Variants in GMDS observed in about 807,000 individuals in gnomAD.
GMDS encodes GDP-mannose 4,6 dehydratase.
GMDS carries 20 observed loss-of-function variants against 49.9 expected under a neutral mutation model. The observed-to-expected ratio is 0.40, with a 90% CI of 0.28 to 0.58. The LOEUF is 0.58. GMDS is among the 20% of genes least tolerant of loss of function. GMDS has a pLI of 0.42. For synonymous variants in GMDS, 177 were observed against 178.6 expected, an observed-to-expected ratio of 0.99 and a Z score of 0.07; for missense variants, 362 against 481.4, an observed-to-expected ratio of 0.75 and a Z score of 2.32.
intron 6 of GMDS, among the ~76,000 whole-genome samples, chr6:1,957,790 ATTTT>A (rs1015022310): frequency 1.3e-5 from 2 of 152,128 alleles, no homozygotes; most frequent in African/African-American, 4.8e-5. Context: ...CTTTTAGAAC[ATTTT>A]TTATTACTTT....
At chr6:2,067,444 A>T (rs1321139809) in intron 4 of GMDS, among the ~76,000 whole-genome samples, 1 of 151,886 alleles carries the variant, frequency 6.6e-6, no homozygotes, top group Admixed American at 6.6e-5. Flanking sequence ...TAGAGACACA[A>T]AAAACCCTTC....
chr6:1,929,913 C>T (rs1407149723), intron 7 of GMDS, among the ~76,000 whole-genome samples, 190 bp downstream of exon 7: 1 of 152,222 alleles, frequency 6.6e-6, no homozygotes, highest in Non-Finnish European at 1.5e-5. Flanking sequence ...GTGTAAGCTA[C>T]CTGTACGTCT....
chr6:1,698,591 G>A (rs1302640717), intron 9 of GMDS, among the ~76,000 whole-genome samples: 1 of 152,180 alleles, frequency 6.6e-6, no homozygotes, highest in African/African-American at 2.4e-5. Context: ...GGTGAGCTGA[G>A]TCAGGACCGC....
chr6:1,893,738 C>T (rs1024172356), intron 7 of GMDS, among the ~76,000 whole-genome samples: 1 of 152,114 alleles, frequency 6.6e-6, no homozygotes, highest in African/African-American at 2.4e-5. Flanking sequence ...ACACTGGACT[C>T]GTGTGAAGGG....
At chr6:1,992,461 C>T (rs1159394979) in intron 4 of GMDS, among the ~76,000 whole-genome samples, 2 of 152,206 alleles carry the variant, frequency 1.3e-5, no homozygotes, top group African/African-American at 2.4e-5. Context: ...CCCACATCAG[C>T]GTCCAGGCTG....
At chr6:2,019,034 G>A (rs1268337370) in intron 4 of GMDS, among the ~76,000 whole-genome samples, 6 of 151,830 alleles carry the variant, frequency 4.0e-5, no homozygotes, top group Non-Finnish European at 8.8e-5. Context: ...CCCAGTAGAT[G>A]TGAAATGTCA....
rs2007297 is a variant in GMDS at position 1,640,773 on chromosome 6, T to C, written c.988-16233A>G. On this transcript the variant is annotated intron_variant, in intron 9 of 10. Coordinates refer to ENST00000380815, the MANE Select transcript of GMDS (RefSeq NM_001500.4). The surrounding 1 kb of genome is among the most constrained non-coding windows in gnomAD (Gnocchi z 4.0). Reference sequence around the variant, plus strand: ...AGTAAACAGGCAATCAAGGAAACAATCAGGTGGTTACAAGGCCTCTGATAA... The same window carrying C: ...AGTAAACAGGCAATCAAGGAAACAACCAGGTGGTTACAAGGCCTCTGATAA... 0.6 allele frequency among the ~76,000 whole-genome samples: 91,396 copies of C among 151,846 alleles called. 28,514 individuals carry two copies. The highest frequency in any genetic ancestry group is 0.8 in the East Asian group (4,126 of 5,160).
chr6:2,151,846 G>C (rs890807953), intron 1 of GMDS, among the ~76,000 whole-genome samples: 11 of 151,998 alleles, frequency 7.2e-5, no homozygotes, highest in African/African-American at 2.4e-4. Context: ...ACACAGGTAA[G>C]AAATGGGTAT....
At chr6:1,674,686 T>C (rs9392318) in intron 9 of GMDS, among the ~76,000 whole-genome samples, 106,771 of 148,442 alleles carry the variant, frequency 0.72, 38,352 homozygotes, top group South Asian at 0.83. Flanking sequence ...CCCACCTCAG[T>C]CTCCCAGGTA....
chr6:1,681,044 C>T (rs576599737), intron 9 of GMDS, among the ~76,000 whole-genome samples: 1 of 152,152 alleles, frequency 6.6e-6, no homozygotes, highest in Non-Finnish European at 1.5e-5. Context: ...TCACATACAT[C>T]GAATATACAT....
intron 6 of GMDS, among the ~76,000 whole-genome samples, chr6:1,954,106 T>C (rs778532542): frequency 6.6e-6 from 1 of 152,190 alleles, no homozygotes; most frequent in Non-Finnish European, 1.5e-5. Flanking sequence ...ACTGTATGTA[T>C]GTAAATATAA....
chr6:2,198,665 T>C (rs1430617085), intron 1 of GMDS, among the ~76,000 whole-genome samples: 1 of 151,864 alleles, frequency 6.6e-6, no homozygotes, highest in South Asian at 2.1e-4. Flanking sequence ...TTTTACAAAA[T>C]CAGAAAATTA....
rs187470042 is a variant in GMDS at position 1,669,999 on chromosome 6, G to A, written c.988-45459C>T. ...CCGGAGAGGTCACAGGGCTTCCTTG[G>A]GAATGCAGGTGGTCGGGAGGGGCTG... On this transcript the variant is annotated intron_variant, in intron 9 of 10. Coordinates refer to ENST00000380815, the MANE Select transcript of GMDS (RefSeq NM_001500.4). Among the ~76,000 whole-genome samples the A allele has an allele frequency of 2.7e-5, 4 of 150,904 alleles. No homozygotes were observed. The East Asian group carries it at 7.8e-4, about 29-fold the overall frequency.
At chr6:2,031,280 G>C (rs1768946655) in intron 4 of GMDS, among the ~76,000 whole-genome samples, 1 of 152,174 alleles carries the variant, frequency 6.6e-6, no homozygotes, top group African/African-American at 2.4e-5. Context: ...ACTGGGCTTG[G>C]TGCTGGTGAT....
At chr6:1,854,494 T>C (rs945999959) in intron 7 of GMDS, among the ~76,000 whole-genome samples, 2 of 152,214 alleles carry the variant, frequency 1.3e-5, no homozygotes, top group African/African-American at 4.8e-5. Context: ...GGGAGTGATT[T>C]TATCACCCAA....
At chr6:1,801,790 T>C (rs960956706) in intron 7 of GMDS, among the ~76,000 whole-genome samples, 10 of 152,268 alleles carry the variant, frequency 6.6e-5, no homozygotes, top group African/African-American at 2.4e-4. Flanking sequence ...AGCTTGAAAG[T>C]TGGAATTCTG....
chr6:1,827,094 G>GTC (rs1167459463), intron 7 of GMDS, among the ~76,000 whole-genome samples: 1 of 146,938 alleles, frequency 6.8e-6, no homozygotes, highest in African/African-American at 2.5e-5. Context: ...GTGTGTGTGT[G>GTC]TGTGTGTGTG....
At chr6:1,814,039 G>A (rs563706178) in intron 7 of GMDS, among the ~76,000 whole-genome samples, 1 of 152,318 alleles carries the variant, frequency 6.6e-6, no homozygotes, top group South Asian at 2.1e-4. Context: ...AGGGAACCTG[G>A]AGCCTATTTG....
intron 7 of GMDS, among the ~76,000 whole-genome samples, chr6:1,817,024 A>G (rs775723877): frequency 4.0e-5 from 6 of 150,078 alleles, no homozygotes; most frequent in Non-Finnish European, 5.9e-5. Context: ...TCATTAGTAA[A>G]TTAGCAGTGT....
Sources: gnomAD v4.1 joint callset for allele counts (sites outside exome capture counted in the v4.1 genomes callset) on GRCh38, gnomAD v4.1.1 for gene constraint, Gnocchi (gnomAD v3.1) non-coding constraint, MANE v1.5 for transcripts, NCBI Gene and HGNC (gene_info 2026-07-23, HGNC 2026-07-21) for gene names.